The following PDE7B variants were observed in gnomAD, a reference collection of about 807,000 sequenced individuals.
The protein encoded by PDE7B is phosphodiesterase 7B.
A neutral mutation model predicts 56.2 loss-of-function variants in PDE7B; 29 were observed. That is an observed-to-expected ratio of 0.52 (90% confidence interval 0.38 to 0.70). PDE7B has a LOEUF of 0.70. Ranked by LOEUF, PDE7B falls within the 30% of genes least tolerant of loss-of-function variation. The probability of loss-of-function intolerance (pLI) is 0.00; values close to 1 mark genes in which losing one functional copy is unlikely to be tolerated. For synonymous variants in PDE7B, 197 were observed against 196.9 expected (o/e 1.00, Z 0.00); for missense variants, 490 against 565.0 (o/e 0.87, Z 1.35).
chr6:136,194,873 G>A lies in PDE7B; in HGVS notation c.*3033G>A, dbSNP rs1046822862. 6.6e-6 allele frequency: 1 copy of A among 152,172 alleles called. No homozygotes were observed. Among genetic ancestry groups the A allele is most frequent in the African/African-American group, 2.4e-5 (1 of 41,434 alleles). The allele number at this position is 152,172 out of a possible 1,614,324, so 9.4% of individuals were successfully genotyped here. On this transcript the variant is annotated 3_prime_UTR_variant, in exon 13 of 13. Coordinates refer to ENST00000308191, the MANE Select transcript of PDE7B (RefSeq NM_018945.4). ...ACCACTGCACTCCAGCCTGGCAACAGAGCTAGAATCCGTCTCAAACAAACA... is the reference window on the plus strand; with the variant it reads ...ACCACTGCACTCCAGCCTGGCAACAAAGCTAGAATCCGTCTCAAACAAACA...
Position 135,906,810 on chromosome 6 carries a change from G to GTTTTTTTTTTTTTTTTTTTTTTTT in PDE7B, c.22-40651_22-40628dup, listed in dbSNP as rs869049424. On this transcript the variant is annotated intron_variant, in intron 1 of 12. Transcript: ENST00000308191. The stretch of plus-strand genomic sequence containing the variant: ...TTTGACTCAAATGTTAATGAGGTTT[G>GTTTTTTTTTTTTTTTTTTTTTTTT]TTTTTTTTTTTTTTTTTTTTTTTTT... 8.1e-4 allele frequency among the ~76,000 whole-genome samples: 48 copies of GTTTTTTTTTTTTTTTTTTTTTTTT among 59,544 alleles called. 3 individuals carry two copies. The highest frequency in any genetic ancestry group is 1.3e-3 in the African/African-American group (18 of 14,244). 39.1% of individuals were successfully genotyped at this position (59,544 alleles called of 152,430 possible).
At chr6:135,987,642 C>A (rs945977872) in intron 2 of PDE7B, among the ~76,000 whole-genome samples, 1 of 152,086 alleles carries the variant, frequency 6.6e-6, no homozygotes, top group Non-Finnish European at 1.5e-5. Context: ...ATCACACCAA[C>A]GAGAAGGAGC....
At chr6:136,047,414 A>G (rs964544138) in intron 2 of PDE7B, 3 of 152,172 alleles carry the variant, frequency 2.0e-5, no homozygotes, top group Non-Finnish European at 4.4e-5. Context: ...GGTCTGATAC[A>G]TTTTCACTGC....
intron 3 of PDE7B, among the ~76,000 whole-genome samples, chr6:136,137,747 AAAT>A (rs1778240419): frequency 6.6e-6 from 1 of 152,108 alleles, no homozygotes; most frequent in East Asian, 1.9e-4. Flanking sequence ...TCAAAAATGA[AAAT>A]AATTTTTATT....
At chr6:136,050,174 C>G (rs960538502) in intron 2 of PDE7B, among the ~76,000 whole-genome samples, 1 of 152,130 alleles carries the variant, frequency 6.6e-6, no homozygotes, top group Non-Finnish European at 1.5e-5. Context: ...CTTTTCACTC[C>G]CAAATACTTA....
At chr6:135,946,121 A>G (rs1248783385) in intron 1 of PDE7B, among the ~76,000 whole-genome samples, 3 of 152,004 alleles carry the variant, frequency 2.0e-5, no homozygotes, top group Non-Finnish European at 4.4e-5. Flanking sequence ...TACTATTTTC[A>G]GATATTTTCA....
chr6:136,113,556 C>T (rs1777783200), intron 3 of PDE7B, among the ~76,000 whole-genome samples: 2 of 152,162 alleles, frequency 1.3e-5, no homozygotes, highest in African/African-American at 4.8e-5. Context: ...TATCTTTACA[C>T]CTAAGCATAG....
chr6:135,984,302 TG>T (rs1263121309), intron 2 of PDE7B, among the ~76,000 whole-genome samples: 1 of 151,696 alleles, frequency 6.6e-6, no homozygotes, highest in African/African-American at 2.4e-5. Context: ...TTTTTTTGTT[TG>T]TTTTTTTTGT....
At chr6:136,008,671 C>T (rs557276123) in intron 2 of PDE7B, among the ~76,000 whole-genome samples, 14 of 152,276 alleles carry the variant, frequency 9.2e-5, no homozygotes, top group South Asian at 2.1e-4. Context: ...GCCCACTTTT[C>T]GATGGGGTTG....
chr6:136,067,991 C>G (rs1776974532), intron 2 of PDE7B, among the ~76,000 whole-genome samples: 1 of 152,202 alleles, frequency 6.6e-6, no homozygotes, highest in African/African-American at 2.4e-5. Context: ...AAATGAAATG[C>G]CACCTGAAAG....
chr6:135,997,345 T>C (rs944308737), intron 2 of PDE7B, among the ~76,000 whole-genome samples: 2 of 128,584 alleles, frequency 1.6e-5, no homozygotes, highest in African/African-American at 6.0e-5. Context: ...GCCTGGAAGG[T>C]CAAGGCTGCA....
chr6:136,054,427 T>C (rs569702490), intron 2 of PDE7B, among the ~76,000 whole-genome samples: 2 of 152,322 alleles, frequency 1.3e-5, no homozygotes, highest in East Asian at 3.9e-4. Context: ...TCTGTTTTGG[T>C]ACCAGTATCA....
intron 1 of PDE7B, among the ~76,000 whole-genome samples, chr6:135,893,074 T>A (rs1408608078): frequency 6.6e-6 from 1 of 152,192 alleles, no homozygotes; most frequent in Non-Finnish European, 1.5e-5. Context: ...GGAGCCTCTT[T>A]TTTTTAATTA....
chr6:135,973,344 C>T (rs915534164), intron 2 of PDE7B, among the ~76,000 whole-genome samples: 5 of 151,964 alleles, frequency 3.3e-5, no homozygotes, highest in African/African-American at 9.7e-5. Context: ...CCATTGTATG[C>T]GTCTACCATA....
intron 2 of PDE7B, among the ~76,000 whole-genome samples, chr6:135,967,099 T>C (rs1775007878): frequency 6.6e-6 from 1 of 152,162 alleles, no homozygotes; most frequent in Non-Finnish European, 1.5e-5. Context: ...GCCTCCTCTA[T>C]GAGTTGTTTC....
At chr6:136,090,750 C>T (rs1196098092) in intron 2 of PDE7B, among the ~76,000 whole-genome samples, 1 of 152,144 alleles carries the variant, frequency 6.6e-6, no homozygotes, top group Non-Finnish European at 1.5e-5. Context: ...AAGAAGTTTT[C>T]ACCACAGATG....
chr6:136,000,804 G>T (rs1775653778), intron 2 of PDE7B, among the ~76,000 whole-genome samples: 1 of 152,224 alleles, frequency 6.6e-6, no homozygotes, highest in Admixed American at 6.5e-5. Context: ...AGTAACCTCT[G>T]CAGACTTAAA....
chr6:136,028,915 A>T (rs906348056), intron 2 of PDE7B, among the ~76,000 whole-genome samples: 1 of 152,218 alleles, frequency 6.6e-6, no homozygotes, highest in East Asian at 1.9e-4. Flanking sequence ...TGCCTACTAT[A>T]CATAATGTCA....
chr6:135,940,004 C>T (rs1421810700), intron 1 of PDE7B, among the ~76,000 whole-genome samples: 3 of 152,088 alleles, frequency 2.0e-5, no homozygotes, highest in South Asian at 2.1e-4. Flanking sequence ...CCTGGTTCTT[C>T]GAAAGCAAAC....
Sources: allele counts gnomAD v4.1 joint callset (sites outside exome capture counted in the v4.1 genomes callset), GRCh38; gene constraint gnomAD v4.1.1; transcripts MANE v1.5; gene names NCBI Gene and HGNC (gene_info 2026-07-23, HGNC 2026-07-21).